The following IL16 variants were observed in gnomAD, a reference collection of about 807,000 sequenced individuals.
IL16 encodes the protein pro-interleukin-16.
IL16 carries 67 observed loss-of-function variants against 110.1 expected under a neutral mutation model. The ratio of observed to expected loss-of-function variants is 0.61; its 90% CI spans 0.50 to 0.75. The LOEUF (loss-of-function observed/expected upper bound fraction) is 0.75, where lower values mean the gene tolerates loss of function less well. IL16 is among the 30% of genes least tolerant of loss of function. IL16 has a pLI of 0.00. For missense variants in IL16, 1,545 were observed against 1,655.0 expected, an observed-to-expected ratio of 0.93 and a Z score of 1.15; for synonymous variants, 689 against 662.9, an observed-to-expected ratio of 1.04 and a Z score of -0.61.
At chr15:81,205,462 G>C (rs1260572613) in intron 1 of IL16, among the ~76,000 whole-genome samples, 1 of 152,004 alleles carries the variant, frequency 6.6e-6, no homozygotes, top group Middle Eastern at 3.2e-3. Flanking sequence ...AAAAATACAG[G>C]CTCAAATATT....
intron 2 of IL16, among the ~76,000 whole-genome samples, chr15:81,244,560 A>G (rs1438086865): frequency 6.6e-6 from 1 of 152,118 alleles, no homozygotes. Flanking sequence ...TGTCATCTGA[A>G]TTGAGTTTCC....
chr15:81,227,646 A>C (rs1220123670), intron 2 of IL16, among the ~76,000 whole-genome samples: 1 of 152,144 alleles, frequency 6.6e-6, no homozygotes, highest in East Asian at 1.9e-4. Context: ...GAAGGATGGG[A>C]AGCCATGGGA....
chr15:81,225,791 T>A, intron 2 of IL16, 80 bp downstream of exon 2: 1 of 1,272,608 alleles, frequency 7.9e-7, no homozygotes, highest in South Asian at 1.6e-5. Flanking sequence ...AATCCATTTA[T>A]TCAAAAATCA....
chr15:81,282,109 T>C (rs1220779565), intron 8 of IL16, among the ~76,000 whole-genome samples: 1 of 152,254 alleles, frequency 6.6e-6, no homozygotes, highest in African/African-American at 2.4e-5. Flanking sequence ...CACCGTCATG[T>C]GCTGCTCTCC....
intron 1 of IL16, among the ~76,000 whole-genome samples, chr15:81,202,163 A>G (rs1895840583): frequency 1.3e-5 from 2 of 152,256 alleles, no homozygotes; most frequent in Non-Finnish European, 2.9e-5. Context: ...AGCAATTGAT[A>G]GAGGCCATTC....
chr15:81,252,811 T>G (rs1897812525), intron 2 of IL16, among the ~76,000 whole-genome samples: 1 of 152,224 alleles, frequency 6.6e-6, no homozygotes, highest in South Asian at 2.1e-4. Context: ...CATGTATCAG[T>G]TCATTCATTT....
At chr15:81,256,187 C>A (rs1318594627) in intron 2 of IL16, among the ~76,000 whole-genome samples, 1 of 152,056 alleles carries the variant, frequency 6.6e-6, no homozygotes, top group East Asian at 1.9e-4. Context: ...ATGAGTGTTA[C>A]TGTTTTGGTA....
chr15:81,297,212 G>C, intron 13 of IL16, 134 bp downstream of exon 13: 1 of 859,824 alleles, frequency 1.2e-6, no homozygotes, highest in Non-Finnish European at 1.7e-6. Flanking sequence ...CTGATCAACA[G>C]TCAAGGGTTC....
chr15:81,269,328 C>T (rs1359458635), intron 4 of IL16, among the ~76,000 whole-genome samples: 8 of 152,236 alleles, frequency 5.3e-5, no homozygotes, highest in Non-Finnish European at 1.0e-4. Flanking sequence ...ACATCAGGCT[C>T]AGCAAAGCAG....
At chr15:81,255,559 G>C (rs1166997563) in intron 2 of IL16, among the ~76,000 whole-genome samples, 1 of 152,168 alleles carries the variant, frequency 6.6e-6, no homozygotes, top group Non-Finnish European at 1.5e-5. Context: ...TGCACAAGAG[G>C]CTACACCTCC....
intron 2 of IL16, among the ~76,000 whole-genome samples, chr15:81,248,121 C>G (rs550550671): frequency 4.6e-5 from 7 of 152,232 alleles, no homozygotes; most frequent in Non-Finnish European, 8.8e-5. Context: ...GTTATATATT[C>G]TTTATGATTG....
chr15:81,219,043 G>T (rs1896530162), intron 1 of IL16, among the ~76,000 whole-genome samples: 1 of 152,002 alleles, frequency 6.6e-6, no homozygotes, highest in Non-Finnish European at 1.5e-5. Context: ...AAGCCATAAA[G>T]GTGTTAAATA....
intron 1 of IL16, among the ~76,000 whole-genome samples, chr15:81,212,379 G>A (rs910178633): frequency 6.6e-6 from 1 of 151,928 alleles, no homozygotes; most frequent in Non-Finnish European, 1.5e-5. Flanking sequence ...CATCTTATGT[G>A]TGTTTATGTG....
intron 2 of IL16, among the ~76,000 whole-genome samples, chr15:81,238,827 G>GTTT (rs370588345): frequency 5.1e-4 from 70 of 138,146 alleles, no homozygotes; most frequent in African/African-American, 6.8e-4. Context: ...AATTCTTTTA[G>GTTT]TTTTTTTTTT....
intron 13 of IL16, among the ~76,000 whole-genome samples, chr15:81,297,806 A>G (rs1900065468): frequency 6.6e-6 from 1 of 152,168 alleles, no homozygotes; most frequent in Admixed American, 6.5e-5. Context: ...AGAGAAAGGG[A>G]TGAGACCAGG....
At chr15:81,306,367 C>A in intron 17 of IL16, 53 bp from the exon 18 acceptor site, 8 of 1,604,286 alleles carry the variant, frequency 5.0e-6, no homozygotes, top group Middle Eastern at 2.0e-4. Flanking sequence ...CCCAGGGCAT[C>A]TGTGGCCTGG....
chr15:81,193,306 T>G (rs986053924), upstream of IL16, among the ~76,000 whole-genome samples: 1 of 152,170 alleles, frequency 6.6e-6, no homozygotes, highest in Non-Finnish European at 1.5e-5. Context: ...TCCTTTTTTT[T>G]GCCTCACTGA....
In IL16 at chr15:81,217,230, G is replaced by A. The variant is rs564066169; in HGVS notation, c.-101-8069G>A. On this transcript the variant is annotated intron_variant, in intron 1 of 18. Transcript: ENST00000683961. ...CAACAGAAATGCAGAGCACTGGTCA[G>A]GAGAGCATATGCACAGATTTTAGAA... is the stretch of plus-strand genomic sequence containing the variant. Among the ~76,000 whole-genome samples, 8 of 152,268 alleles carry A rather than the reference G, an allele frequency of 5.3e-5. No homozygotes were observed. The South Asian group carries it at 1.7e-3, about 32-fold the overall frequency.
At chr15:81,232,419 C>T (rs1897039886) in intron 2 of IL16, among the ~76,000 whole-genome samples, 2 of 152,074 alleles carry the variant, frequency 1.3e-5, no homozygotes, top group South Asian at 4.1e-4. Context: ...TTCCTAATCT[C>T]AAGGGGAAAG....
Sources: gnomAD v4.1 joint callset for allele counts (sites outside exome capture counted in the v4.1 genomes callset) on GRCh38, gnomAD v4.1.1 for gene constraint, MANE v1.5 for transcripts, NCBI Gene and HGNC (gene_info 2026-07-23, HGNC 2026-07-21) for gene names.